Variants in ENTREP2 observed in about 807,000 individuals in gnomAD.
ENTREP2 encodes the protein protein ENTREP2.
chr15:29,132,173 C>T, the ENTREP2 span, among the ~76,000 whole-genome samples: 6 of 131,944 alleles, frequency 4.5e-5, no homozygotes, highest in African/African-American at 2.7e-4. Context: ...AGGAGGAGCA[C>T]TACTGACCCT....
At chr15:29,225,438 C>T in the ENTREP2 span, among the ~76,000 whole-genome samples, 1 of 152,240 alleles carries the variant, frequency 6.6e-6, no homozygotes, top group African/African-American at 2.4e-5. Flanking sequence ...GATGATGAAC[C>T]TTGAAGATCT....
At chr15:29,429,938 CA>C in the ENTREP2 span, among the ~76,000 whole-genome samples, 2 of 152,242 alleles carry the variant, frequency 1.3e-5, no homozygotes, top group Non-Finnish European at 2.9e-5. Context: ...AAGCCACCCA[CA>C]TACCCCATCT....
At chr15:29,248,795 A>C in the ENTREP2 span, among the ~76,000 whole-genome samples, 1 of 151,842 alleles carries the variant, frequency 6.6e-6, no homozygotes, top group Non-Finnish European at 1.5e-5. Flanking sequence ...TATATTGGGA[A>C]TATAAATGGG....
chr15:29,480,696 G>A, the ENTREP2 span, among the ~76,000 whole-genome samples: 1 of 152,174 alleles, frequency 6.6e-6, no homozygotes, highest in African/African-American at 2.4e-5. Flanking sequence ...CTGGACTGCT[G>A]TCAGAGCAAA....
chr15:29,237,936 G>A, the ENTREP2 span, among the ~76,000 whole-genome samples: 1 of 152,086 alleles, frequency 6.6e-6, no homozygotes, highest in Non-Finnish European at 1.5e-5. Flanking sequence ...ATAGCCAAAA[G>A]GTGGAAACAA....
the ENTREP2 span, among the ~76,000 whole-genome samples, chr15:29,379,029 A>C: frequency 2.6e-5 from 4 of 152,206 alleles, no homozygotes; most frequent in African/African-American, 9.6e-5. Context: ...CAGCAGAAGA[A>C]CATTCTCATG....
the ENTREP2 span, among the ~76,000 whole-genome samples, chr15:29,162,628 C>T: frequency 6.6e-6 from 1 of 152,092 alleles, no homozygotes; most frequent in African/African-American, 2.4e-5. Flanking sequence ...GAATCTCACA[C>T]CCATCCCCCA....
chr15:29,499,615 A>G, the ENTREP2 span, among the ~76,000 whole-genome samples: 2 of 151,880 alleles, frequency 1.3e-5, no homozygotes, highest in African/African-American at 2.4e-5. Context: ...GGCTCAAGCA[A>G]TCCTCTTGCT....
chr15:29,401,868 C>CACAG, the ENTREP2 span, among the ~76,000 whole-genome samples: 3 of 152,150 alleles, frequency 2.0e-5, no homozygotes, highest in East Asian at 5.8e-4. Flanking sequence ...ACAAGCAAGA[C>CACAG]ACAGCCCAGT....
the ENTREP2 span, among the ~76,000 whole-genome samples, chr15:29,206,898 C>A: frequency 6.6e-6 from 1 of 152,158 alleles, no homozygotes; most frequent in Non-Finnish European, 1.5e-5. Context: ...TCTGCCTAAA[C>A]GTTTTATATT....
the ENTREP2 span, among the ~76,000 whole-genome samples, chr15:29,152,603 A>T: frequency 6.6e-6 from 1 of 152,260 alleles, no homozygotes; most frequent in East Asian, 1.9e-4. Flanking sequence ...ATGTATCAGT[A>T]GTTGACTTCT....
chr15:29,527,786 C>G, the ENTREP2 span, among the ~76,000 whole-genome samples: 2,142 of 152,164 alleles, frequency 0.014, 48 homozygotes, highest in African/African-American at 0.047. Context: ...AGGTCTCACC[C>G]CAGGAAATTC....
the ENTREP2 span, among the ~76,000 whole-genome samples, chr15:29,553,472 G>C: frequency 6.6e-6 from 1 of 152,162 alleles, no homozygotes; most frequent in African/African-American, 2.4e-5. Flanking sequence ...AGGTGTGGCT[G>C]TTTGTATTTT....
At chr15:29,290,284 T>G in the ENTREP2 span, among the ~76,000 whole-genome samples, 1 of 152,296 alleles carries the variant, frequency 6.6e-6, no homozygotes, top group Admixed American at 6.5e-5. Flanking sequence ...GTGCCAGGCG[T>G]GCTTCCACCT....
At chr15:29,471,975 C>A in the ENTREP2 span, among the ~76,000 whole-genome samples, 1 of 152,122 alleles carries the variant, frequency 6.6e-6, no homozygotes, top group Admixed American at 6.5e-5. Context: ...AGGAGTGGCC[C>A]TGAGGGCTGG....
the ENTREP2 span, among the ~76,000 whole-genome samples, chr15:29,498,142 T>C: frequency 6.6e-6 from 1 of 152,196 alleles, no homozygotes; most frequent in African/African-American, 2.4e-5. Context: ...CACTCTCTCC[T>C]GCTGCCTTAT....
the ENTREP2 span, among the ~76,000 whole-genome samples, chr15:29,570,934 GCCGCCGCCGCGCCGCCCGC>G: frequency 6.9e-6 from 1 of 144,896 alleles, no homozygotes; most frequent in Non-Finnish European, 1.5e-5. Flanking sequence ...CGCCCATGCC[GCCGCCGCCGCGCCGCCCGC>G]CCGCCGGCCG....
the ENTREP2 span, among the ~76,000 whole-genome samples, chr15:29,655,105 G>GA: frequency 6.6e-6 from 1 of 152,082 alleles, no homozygotes; most frequent in Non-Finnish European, 1.5e-5. Context: ...AAAGTGATCT[G>GA]AAAAAACACA....
the ENTREP2 span, among the ~76,000 whole-genome samples, chr15:29,668,241 T>C: frequency 6.6e-6 from 1 of 152,306 alleles, no homozygotes; most frequent in East Asian, 1.9e-4. Context: ...TCCACTGCAT[T>C]GTCTGCTATT....
Sources: allele counts gnomAD v4.1 joint callset (sites outside exome capture counted in the v4.1 genomes callset), GRCh38; gene constraint gnomAD v4.1.1; transcripts MANE v1.5; gene names NCBI Gene and HGNC (gene_info 2026-07-23, HGNC 2026-07-21).